The following NRXN3 variants were observed in gnomAD, a reference collection of about 807,000 sequenced individuals.
The protein encoded by NRXN3 is neurexin III.
NRXN3 carries 32 observed loss-of-function variants against 137.6 expected under a neutral mutation model. The ratio of observed to expected loss-of-function variants is 0.23; its 90% CI spans 0.18 to 0.31. The LOEUF is 0.31. NRXN3 is among the 10% of genes least tolerant of loss of function. The pLI is 1.00. For synonymous variants in NRXN3, 798 were observed against 784.5 expected (o/e 1.02, Z -0.29); for missense variants, 1,574 against 2,062.5 (o/e 0.76, Z 4.59).
intron 15 of NRXN3, among the ~76,000 whole-genome samples, chr14:79,121,103 A>C (rs1190058964): frequency 6.6e-6 from 1 of 152,212 alleles, no homozygotes; most frequent in Non-Finnish European, 1.5e-5. Context: ...CTTTCAAAAC[A>C]AAGAAGAAAA....
chr14:78,625,122 G>A (rs377365228), intron 4 of NRXN3, among the ~76,000 whole-genome samples: 2 of 152,332 alleles, frequency 1.3e-5, no homozygotes, highest in African/African-American at 4.8e-5. Context: ...TTACAGGCGT[G>A]AGCCACCGCA....
intron 15 of NRXN3, among the ~76,000 whole-genome samples, chr14:79,104,550 GTGGGTCAGGCTC>G (rs2052001753): frequency 6.6e-6 from 1 of 152,112 alleles, no homozygotes; most frequent in Admixed American, 6.6e-5. Context: ...CATTAATGCC[GTGGGTCAGGCTC>G]TGTGGAAAAT....
In NRXN3 at chr14:79,866,341, G is replaced by T. The variant is rs1603620821; in HGVS notation, c.*4377G>T. On this transcript the variant is annotated 3_prime_UTR_variant, in exon 21 of 21. Transcript: ENST00000335750. ...ATCTAGTAAAGATGAACAAAAAATG[G>T]TACTATAGTGAATGCAAATAAGCTA... is the stretch of plus-strand genomic sequence containing the variant. The T allele has an allele frequency of 6.6e-6, 1 of 152,098 alleles. No homozygotes were observed. Among genetic ancestry groups the T allele is most frequent in the East Asian group, 1.9e-4 (1 of 5,184 alleles). 9.4% of individuals were successfully genotyped at this position (152,098 alleles called of 1,614,324 possible).
intron 15 of NRXN3, among the ~76,000 whole-genome samples, chr14:79,417,409 C>A (rs902302573): frequency 6.6e-6 from 1 of 152,068 alleles, no homozygotes; most frequent in African/African-American, 2.4e-5. Flanking sequence ...CTGGTTATTA[C>A]AGAGGTGAAA....
intron 8 of NRXN3, among the ~76,000 whole-genome samples, chr14:78,786,253 A>G (rs1008454974): frequency 3.3e-5 from 5 of 152,210 alleles, no homozygotes; most frequent in Non-Finnish European, 7.4e-5. Flanking sequence ...ATCTACCCTA[A>G]TGATTTGGGA....
chr14:78,921,106 C>A (rs1159147681), intron 10 of NRXN3, among the ~76,000 whole-genome samples: 1 of 152,176 alleles, frequency 6.6e-6, no homozygotes, highest in Non-Finnish European at 1.5e-5. Context: ...AGTCCTCATC[C>A]TAAAGCAAAA....
At chr14:78,794,933 CAAACAAA>C (rs1464950411) in intron 8 of NRXN3, among the ~76,000 whole-genome samples, 88 of 23,442 alleles carry the variant, frequency 3.8e-3, no homozygotes, top group South Asian at 0.016. Flanking sequence ...AACAAACAAA[CAAACAAA>C]AAAAAAAGTA....
rs925321603 is a variant in NRXN3, at chr14:79,519,625, C to A, written c.3444+52223C>A. Among the ~76,000 whole-genome samples, 9 of 151,910 alleles carry A rather than the reference C, an allele frequency of 5.9e-5. No homozygotes were observed. The South Asian group carries it at 1.9e-3, about 31-fold the overall frequency. On this transcript the variant is annotated intron_variant, in intron 16 of 20. Transcript: ENST00000335750. The stretch of plus-strand genomic sequence containing the variant: ...TTTACATTTTTATTGTTCTAGGAAA[C>A]CTGCAAAATGGGCTGTATTACATTC...
chr14:79,246,027 C>T (rs2075124703), intron 15 of NRXN3, among the ~76,000 whole-genome samples: 1 of 152,120 alleles, frequency 6.6e-6, no homozygotes, highest in Non-Finnish European at 1.5e-5. Flanking sequence ...TTCACAAAAA[C>T]CAGAAGAGGA....
At chr14:79,770,129 C>T (rs1028684863) in intron 19 of NRXN3, among the ~76,000 whole-genome samples, 74 of 151,610 alleles carry the variant, frequency 4.9e-4, no homozygotes, top group African/African-American at 1.8e-3. Context: ...TAAAGCAAGT[C>T]CTGAGTGACC....
chr14:78,493,069 A>C (rs191098413), intron 4 of NRXN3, among the ~76,000 whole-genome samples: 18 of 152,288 alleles, frequency 1.2e-4, no homozygotes, highest in African/African-American at 4.3e-4. Flanking sequence ...TTCCAGATCC[A>C]AAGGATGCCT....
chr14:79,662,966 C>T (rs900871307), intron 16 of NRXN3, among the ~76,000 whole-genome samples: 6 of 152,096 alleles, frequency 3.9e-5, no homozygotes, highest in African/African-American at 2.4e-5. Context: ...ACCATATCAC[C>T]GTCTTCACTG....
intron 14 of NRXN3, among the ~76,000 whole-genome samples, chr14:78,975,367 C>T (rs184950001): frequency 3.9e-5 from 6 of 152,056 alleles, no homozygotes; most frequent in South Asian, 2.1e-4. Context: ...GAAGCACATT[C>T]GAGAGCTTGG....
intron 4 of NRXN3, among the ~76,000 whole-genome samples, chr14:78,624,730 G>T (rs2097438469): frequency 6.6e-6 from 1 of 152,298 alleles, no homozygotes; most frequent in Non-Finnish European, 1.5e-5. Context: ...TGAGGTGATG[G>T]GGTGGGAGCC....
chr14:79,747,573 T>G (rs2098983477), intron 19 of NRXN3, among the ~76,000 whole-genome samples: 2 of 152,116 alleles, frequency 1.3e-5, no homozygotes, highest in Non-Finnish European at 2.9e-5. Flanking sequence ...GGACAAGGAC[T>G]GATCTACTAA....
At chr14:79,725,879 G>C (rs1401222519) in intron 19 of NRXN3, among the ~76,000 whole-genome samples, 1 of 152,106 alleles carries the variant, frequency 6.6e-6, no homozygotes, top group Non-Finnish European at 1.5e-5. Context: ...GCTAACATCT[G>C]GGTGTACTTT....
At chr14:78,870,051 G>C (rs929534042) in intron 10 of NRXN3, among the ~76,000 whole-genome samples, 1 of 152,176 alleles carries the variant, frequency 6.6e-6, no homozygotes, top group Non-Finnish European at 1.5e-5. Context: ...AATGTGATCA[G>C]GTATCACCTG....
chr14:78,975,776 G>T (rs866037368), intron 14 of NRXN3, among the ~76,000 whole-genome samples: 11 of 152,148 alleles, frequency 7.2e-5, no homozygotes, highest in African/African-American at 2.4e-4. Context: ...TCTCCTGTTT[G>T]CTGCACACAC....
intron 20 of NRXN3, among the ~76,000 whole-genome samples, chr14:79,822,197 T>G (rs370472043): frequency 5.9e-5 from 9 of 152,184 alleles, no homozygotes; most frequent in Non-Finnish European, 1.2e-4. Context: ...TTCTCAGTCA[T>G]GTTATCTGCC....
Sources: gnomAD v4.1 joint callset for allele counts (sites outside exome capture counted in the v4.1 genomes callset) on GRCh38, gnomAD v4.1.1 for gene constraint, MANE v1.5 for transcripts, NCBI Gene and HGNC (gene_info 2026-07-23, HGNC 2026-07-21) for gene names.